DNAAF11: variants seen among roughly 807,000 people sequenced by gnomAD.
The protein encoded by DNAAF11 is leucine rich repeat containing 6.
A neutral mutation model predicts 60.8 loss-of-function variants in DNAAF11; 45 were observed. The observed-to-expected ratio is 0.74, with a 90% CI of 0.58 to 0.95. The LOEUF (loss-of-function observed/expected upper bound fraction) is 0.95, where lower values mean the gene tolerates loss of function less well. Ranked by LOEUF, DNAAF11 falls within the 40% of genes least tolerant of loss-of-function variation. The probability of loss-of-function intolerance (pLI) is 0.00; values close to 1 mark genes in which losing one functional copy is unlikely to be tolerated. For missense variants in DNAAF11, 546 were observed against 546.2 expected (o/e 1.00, Z 0.00); for synonymous variants, 191 against 183.5 (o/e 1.04, Z -0.33).
At chr8:132,668,920 G>A (rs574859121) in intron 1 of DNAAF11, among the ~76,000 whole-genome samples, 1 of 152,264 alleles carries the variant, frequency 6.6e-6, no homozygotes, top group Non-Finnish European at 1.5e-5. Flanking sequence ...CCTTCTTCAT[G>A]AGCTGTCTCA....
chr8:132,660,264 A>T (rs187924323), intron 2 of DNAAF11, among the ~76,000 whole-genome samples: 11 of 152,044 alleles, frequency 7.2e-5, no homozygotes, highest in African/African-American at 2.7e-4. Flanking sequence ...TTTAGGGTAC[A>T]TGTGCACATT....
intron 10 of DNAAF11, among the ~76,000 whole-genome samples, chr8:132,587,019 G>A (rs1194627023): frequency 6.6e-6 from 1 of 151,986 alleles, no homozygotes; most frequent in Non-Finnish European, 1.5e-5. Flanking sequence ...TTAAAAAAAA[G>A]AAAGCTCTTG....
intron 6 of DNAAF11, 144 bp from the exon 7 acceptor site, chr8:132,622,832 T>C: frequency 1.6e-6 from 1 of 624,606 alleles, no homozygotes; most frequent in South Asian, 2.1e-5. Context: ...CAATTCCTTG[T>C]TCTTAAGTCC....
intron 10 of DNAAF11, among the ~76,000 whole-genome samples, chr8:132,600,774 A>G (rs58519689): frequency 0.019 from 2,833 of 152,312 alleles, 95 homozygotes; most frequent in African/African-American, 0.064. Flanking sequence ...AAATTAATTC[A>G]AGATGGATTA....
At chr8:132,627,585 A>C (rs779955822) in intron 5 of DNAAF11, among the ~76,000 whole-genome samples, 2 of 152,186 alleles carry the variant, frequency 1.3e-5, no homozygotes, top group Non-Finnish European at 2.9e-5. Context: ...ATAAAAGTTC[A>C]GACCTAAATT....
chr8:132,610,918 G>A (rs887148708), intron 9 of DNAAF11, among the ~76,000 whole-genome samples: 1 of 151,952 alleles, frequency 6.6e-6, no homozygotes, highest in Non-Finnish European at 1.5e-5. Flanking sequence ...TTTTGAGTCA[G>A]AGTCTCACTC....
At chr8:132,692,139 T>A in the DNAAF11 span, among the ~76,000 whole-genome samples, 1 of 151,580 alleles carries the variant, frequency 6.6e-6, no homozygotes, top group African/African-American at 2.4e-5. Context: ...CTAATGATAC[T>A]GTTTTACGGA....
chr8:132,639,291 G>A (rs1821623748), intron 3 of DNAAF11, among the ~76,000 whole-genome samples: 1 of 152,136 alleles, frequency 6.6e-6, no homozygotes, highest in South Asian at 2.1e-4. Flanking sequence ...CTCTCCCTAT[G>A]ACTGCCTCAT....
At chr8:132,650,863 A>G (rs1378682885) in intron 3 of DNAAF11, among the ~76,000 whole-genome samples, 1 of 152,218 alleles carries the variant, frequency 6.6e-6, no homozygotes, top group Non-Finnish European at 1.5e-5. Flanking sequence ...AATGTCATAT[A>G]TCTTTGGATG....
chr8:132,674,375 G>A (rs950017004), intron 1 of DNAAF11, among the ~76,000 whole-genome samples: 1 of 152,056 alleles, frequency 6.6e-6, no homozygotes, highest in African/African-American at 2.4e-5. Flanking sequence ...CCACTTGCAG[G>A]CTGTCAGGTC....
chr8:132,656,061 T>A (rs1326936548), intron 3 of DNAAF11, among the ~76,000 whole-genome samples: 1 of 152,232 alleles, frequency 6.6e-6, no homozygotes, highest in Non-Finnish European at 1.5e-5. Flanking sequence ...AGGCTTACTG[T>A]AGCCATGCTT....
intron 3 of DNAAF11, among the ~76,000 whole-genome samples, chr8:132,638,362 A>T (rs552141722): frequency 5.9e-5 from 9 of 152,124 alleles, no homozygotes; most frequent in Admixed American, 3.9e-4. Flanking sequence ...TTCCCTGCTC[A>T]CACTTACAAG....
At chr8:132,659,890 T>C (rs2130802848) in intron 2 of DNAAF11, among the ~76,000 whole-genome samples, 1 of 152,232 alleles carries the variant, frequency 6.6e-6, no homozygotes, top group East Asian at 1.9e-4. Flanking sequence ...CTCTATACAC[T>C]AGATGCCAAT....
intron 7 of DNAAF11, among the ~76,000 whole-genome samples, chr8:132,617,786 G>A (rs1290015676): frequency 7.3e-5 from 11 of 151,404 alleles, no homozygotes; most frequent in Admixed American, 1.3e-4. Flanking sequence ...ACTGCTCAAG[G>A]AAATAAAAGA....
At chr8:132,674,129 G>GGAGGAGAAGGAGGAGGAA in intron 1 of DNAAF11, among the ~76,000 whole-genome samples, 1 of 148,746 alleles carries the variant, frequency 6.7e-6, no homozygotes, top group South Asian at 2.1e-4. Flanking sequence ...AGGAGGAGGA[G>GGAGGAGAAGGAGGAGGAA]GAGGAGAAGG....
intron 10 of DNAAF11, 133 bp downstream of exon 10, chr8:132,610,033 G>C: frequency 1.6e-6 from 1 of 607,986 alleles, no homozygotes; most frequent in South Asian, 2.1e-5. Flanking sequence ...TCCTACCTCA[G>C]CTGCTGTGAG....
chr8:132,602,513 C>A (rs2129757215), intron 10 of DNAAF11, among the ~76,000 whole-genome samples: 1 of 152,226 alleles, frequency 6.6e-6, no homozygotes, highest in African/African-American at 2.4e-5. Flanking sequence ...CTACTGCAAT[C>A]CCTATGTAAA....
At chr8:132,661,753 A>G (rs1310427331) in intron 1 of DNAAF11, 126 bp from the exon 2 acceptor site, 1 of 920,354 alleles carries the variant, frequency 1.1e-6, no homozygotes, top group South Asian at 1.4e-5. Context: ...TCCAGGCCCA[A>G]GCGATTTTCA....
intron 8 of DNAAF11, among the ~76,000 whole-genome samples, chr8:132,613,725 G>A (rs1440351368): frequency 6.6e-6 from 1 of 152,180 alleles, no homozygotes; most frequent in Non-Finnish European, 1.5e-5. Flanking sequence ...GTTGGTTGAA[G>A]TCCTGAGGGC....
Sources: allele counts gnomAD v4.1 joint callset (sites outside exome capture counted in the v4.1 genomes callset), GRCh38; gene constraint gnomAD v4.1.1; transcripts MANE v1.5; gene names NCBI Gene and HGNC (gene_info 2026-07-23, HGNC 2026-07-21).